The following SORCS1 variants were observed in gnomAD, a reference collection of about 807,000 sequenced individuals.
SORCS1 encodes the protein VPS10 domain-containing receptor SorCS1.
In SORCS1, 60 loss-of-function variants were observed where a neutral mutation model predicts 146.1. The observed-to-expected ratio is 0.41, with a 90% CI of 0.33 to 0.51. SORCS1 has a LOEUF of 0.51. Ranked by LOEUF, SORCS1 falls within the 20% of genes least tolerant of loss-of-function variation. The pLI is 0.21. For synonymous variants in SORCS1, 637 were observed against 584.0 expected, an observed-to-expected ratio of 1.09 and a Z score of -1.31; for missense variants, 1,352 against 1,487.6, an observed-to-expected ratio of 0.91 and a Z score of 1.50.
chr10:106,704,220 T>G (rs9971260), intron 8 of SORCS1, among the ~76,000 whole-genome samples: 5,865 of 152,274 alleles, frequency 0.039, 348 homozygotes, highest in African/African-American at 0.13. Flanking sequence ...TTAATGCCCC[T>G]GACAGTATAT....
At chr10:106,825,182 T>TA (rs765200905) in intron 3 of SORCS1, among the ~76,000 whole-genome samples, 170 of 151,528 alleles carry the variant, frequency 1.1e-3, no homozygotes, top group Non-Finnish European at 2.0e-3. Flanking sequence ...GTATGGCTGA[T>TA]AAAGACACAC....
At chr10:107,063,044 G>A (rs1961383633) in intron 1 of SORCS1, among the ~76,000 whole-genome samples, 1 of 152,298 alleles carries the variant, frequency 6.6e-6, no homozygotes, top group South Asian at 2.1e-4. Flanking sequence ...GAGAGGTTCT[G>A]TGATGAATGA....
rs770230468 is a variant in SORCS1, at chr10:106,688,213, C to A, written c.1539G>T (p.Gly513=). The change falls in exon 10 of 26, where the codon GGG becomes GGT. Residue 513 remains glycine, a synonymous_variant. Transcript: ENST00000263054. ...LLQAPDTDLR[G]DPVHCLLPYC... ...TCACCAGCAAGCAGTGCACGGGGTC[C>A]CCCCTTAGATCCGTGTCCGGCGCCT... The A allele has an allele frequency of 4.5e-5, 72 of 1,613,724 alleles. No homozygotes were observed. Among genetic ancestry groups the A allele is most frequent in the Non-Finnish European group, 5.9e-5 (70 of 1,179,852 alleles).
intron 1 of SORCS1, among the ~76,000 whole-genome samples, chr10:107,143,228 A>G (rs1171332159): frequency 6.6e-6 from 1 of 152,184 alleles, no homozygotes; most frequent in Non-Finnish European, 1.5e-5. Context: ...TGTTTCACCC[A>G]TACAATTTAT....
intron 19 of SORCS1, among the ~76,000 whole-genome samples, 187 bp downstream of exon 19, chr10:106,629,015 A>C (rs895697661): frequency 6.6e-6 from 1 of 152,206 alleles, no homozygotes; most frequent in Non-Finnish European, 1.5e-5. Context: ...GTCCAGGATT[A>C]ATCAAATTCT....
chr10:107,036,374 G>A (rs996002999), intron 1 of SORCS1, among the ~76,000 whole-genome samples: 2 of 152,032 alleles, frequency 1.3e-5, no homozygotes, highest in Non-Finnish European at 2.9e-5. Context: ...GGTATTCACG[G>A]GGTCCTGGAA....
At chr10:106,728,664 T>G (rs3904911) in intron 6 of SORCS1, among the ~76,000 whole-genome samples, 2,457 of 152,316 alleles carry the variant, frequency 0.016, 72 homozygotes, top group African/African-American at 0.057. Context: ...GGTTATAGGG[T>G]TGACCTGCTT....
chr10:107,014,312 C>T (rs1223832891), intron 1 of SORCS1, among the ~76,000 whole-genome samples: 1 of 131,242 alleles, frequency 7.6e-6, no homozygotes, highest in African/African-American at 2.9e-5. Context: ...GAGAAAGAAA[C>T]AAAATAGGGG....
chr10:107,130,717 TC>T (rs1453553550), intron 1 of SORCS1, among the ~76,000 whole-genome samples: 2 of 151,876 alleles, frequency 1.3e-5, no homozygotes, highest in East Asian at 3.9e-4. Flanking sequence ...ACCCCAGAGC[TC>T]CTTCCTCGCA....
At chr10:106,944,482 C>G (rs1389092485) in intron 2 of SORCS1, among the ~76,000 whole-genome samples, 1 of 152,162 alleles carries the variant, frequency 6.6e-6, no homozygotes, top group Non-Finnish European at 1.5e-5. Flanking sequence ...CCTTCCCCAC[C>G]CAGAGAACCT....
At chr10:106,899,592 T>TC (rs1491544699) in intron 2 of SORCS1, among the ~76,000 whole-genome samples, 2 of 56,844 alleles carry the variant, frequency 3.5e-5, no homozygotes, top group African/African-American at 1.1e-4. Flanking sequence ...CCACCAGGGC[T>TC]TTTTTTTTTT....
intron 18 of SORCS1, among the ~76,000 whole-genome samples, chr10:106,638,283 A>T (rs181880108): frequency 1.3e-5 from 2 of 152,320 alleles, no homozygotes; most frequent in Admixed American, 1.3e-4. Flanking sequence ...GAACAAAACT[A>T]TATATACTTT....
chr10:107,151,871 G>C (rs994389640), intron 1 of SORCS1, among the ~76,000 whole-genome samples: 2 of 152,208 alleles, frequency 1.3e-5, no homozygotes, highest in African/African-American at 2.4e-5. Context: ...AAGCTTGCTG[G>C]AGAAAGTGGC....
intron 19 of SORCS1, among the ~76,000 whole-genome samples, chr10:106,626,282 CAA>C (rs765494883): frequency 1.3e-5 from 2 of 152,072 alleles, no homozygotes; most frequent in Non-Finnish European, 2.9e-5. Context: ...ATAGAAAAAT[CAA>C]GTTTTACTAG....
At chr10:107,145,440 T>C (rs575506545) in intron 1 of SORCS1, among the ~76,000 whole-genome samples, 3 of 152,354 alleles carry the variant, frequency 2.0e-5, no homozygotes, top group Non-Finnish European at 4.4e-5. Context: ...CCTGGTTTTC[T>C]TTCTTGATGG....
chr10:106,607,159 G>T lies in SORCS1; in HGVS notation c.3165+7C>A, dbSNP rs768812067. ...GCTGAAAACGTCTCCTTTTCCAGGGGACTCACCTGCTCCAGGTCATCAGTT... is the reference window on the plus strand; with the variant it reads ...GCTGAAAACGTCTCCTTTTCCAGGGTACTCACCTGCTCCAGGTCATCAGTT... On this transcript the variant is annotated splice_region_variant and intron_variant, in intron 23 of 25. Transcript: ENST00000263054. 6.2e-7 allele frequency: 1 copy of T among 1,613,594 alleles called. No individual in the cohort carries two copies. Among genetic ancestry groups the T allele is most frequent in the East Asian group, 2.2e-5 (1 of 44,858 alleles).
intron 2 of SORCS1, among the ~76,000 whole-genome samples, chr10:106,837,876 C>G (rs894319064): frequency 1.3e-5 from 2 of 151,932 alleles, no homozygotes; most frequent in African/African-American, 4.8e-5. Flanking sequence ...CCTCCCTCAC[C>G]CACCCCTCAG....
Position 106,647,605 on chromosome 10 carries a change from C to T in SORCS1, c.2475+4777G>A, listed in dbSNP as rs141091257. On this transcript the variant is annotated intron_variant, in intron 18 of 25. Coordinates refer to ENST00000263054, the MANE Select transcript of SORCS1 (RefSeq NM_052918.5). ...ATGACAAAGGCTCATAGCAATTCAG[C>T]GTGAAATGAACAGTTTTTCAATGGT... 1.6e-3 allele frequency among the ~76,000 whole-genome samples: 242 copies of T among 152,182 alleles called. 1 individual carries two copies. The highest frequency in any genetic ancestry group is 5.6e-3 in the African/African-American group (234 of 41,518).
intron 21 of SORCS1, among the ~76,000 whole-genome samples, chr10:106,615,042 C>G (rs915652639): frequency 2.8e-4 from 2 of 7,026 alleles, no homozygotes; most frequent in African/African-American, 3.2e-4. Flanking sequence ...TCAGTCCCAT[C>G]ATGACAATAG....
Sources: allele counts gnomAD v4.1 joint callset (sites outside exome capture counted in the v4.1 genomes callset), GRCh38; gene constraint gnomAD v4.1.1; transcripts MANE v1.5; gene names NCBI Gene and HGNC (gene_info 2026-07-23, HGNC 2026-07-21).